Variants in SCAPER observed in about 807,000 individuals in gnomAD.
The protein encoded by SCAPER is S phase cyclin A-associated protein in the endoplasmic reticulum.
A neutral mutation model predicts 182.2 loss-of-function variants in SCAPER; 98 were observed. The observed-to-expected ratio is 0.54, with a 90% CI of 0.46 to 0.64. The LOEUF (loss-of-function observed/expected upper bound fraction) is 0.64. Ranked by LOEUF, SCAPER falls within the 30% of genes least tolerant of loss-of-function variation. SCAPER has a pLI of 0.00. For synonymous variants in SCAPER, 605 were observed against 564.6 expected (o/e 1.07, Z -1.01); for missense variants, 1,432 against 1,690.0 (o/e 0.85, Z 2.68).
chr15:76,706,104 ATTC>A, intron 17 of SCAPER, 120 bp from the exon 18 acceptor site: 1 of 616,678 alleles, frequency 1.6e-6, no homozygotes, highest in Non-Finnish European at 2.5e-6. Flanking sequence ...TTTTTAAAAT[ATTC>A]TTCTTAAAGT....
intron 1 of SCAPER, among the ~76,000 whole-genome samples, chr15:76,900,383 C>T (rs564687924): frequency 1.4e-5 from 2 of 144,096 alleles, no homozygotes; most frequent in Admixed American, 1.4e-4. Flanking sequence ...TAAATACATA[C>T]ATACATACAA....
chr15:76,626,329 T>C (rs987761038), intron 21 of SCAPER, among the ~76,000 whole-genome samples: 1 of 152,106 alleles, frequency 6.6e-6, no homozygotes, highest in South Asian at 2.1e-4. Context: ...TAAACTATAG[T>C]ATGGGAGGGG....
At chr15:76,528,411 C>T (rs192931660) in intron 23 of SCAPER, among the ~76,000 whole-genome samples, 1 of 152,238 alleles carries the variant, frequency 6.6e-6, no homozygotes, top group Admixed American at 6.5e-5. Flanking sequence ...GGTATCTTAC[C>T]ACCATTTGGA....
chr15:76,606,694 G>A (rs2050439012), intron 22 of SCAPER, among the ~76,000 whole-genome samples: 1 of 151,448 alleles, frequency 6.6e-6, no homozygotes, highest in South Asian at 2.1e-4. Context: ...ATGAATCTGG[G>A]TGCTCCTGTA....
intron 2 of SCAPER, among the ~76,000 whole-genome samples, chr15:76,874,880 TGGAGCCCAGGA>T (rs1239671461): frequency 1.3e-5 from 2 of 152,190 alleles, no homozygotes; most frequent in Non-Finnish European, 2.9e-5. Context: ...GGAGGATCAC[TGGAGCCCAGGA>T]GTTCAAGGTT....
chr15:76,466,019 T>C (rs1178870782), intron 25 of SCAPER, among the ~76,000 whole-genome samples: 2 of 152,170 alleles, frequency 1.3e-5, no homozygotes, highest in South Asian at 2.1e-4. Flanking sequence ...CTTTGAGAGT[T>C]TGACAATTTT....
At position 76,355,091 on chromosome 15, in the gene SCAPER, A is replaced by G. The variant is rs537181223; in HGVS notation, c.3856-951T>C. On this transcript the variant is annotated intron_variant, in intron 29 of 31. Coordinates refer to ENST00000563290, the MANE Select transcript of SCAPER (RefSeq NM_020843.4). ...ACACACCCAGACAGGACTACATTCA[A>G]ATTAAAACCAGAAGGAAAGAATGAA... Among the ~76,000 whole-genome samples the G allele has an allele frequency of 2.0e-5, 3 of 152,364 alleles. No individual in the cohort carries two copies. In the South Asian group the frequency reaches 6.2e-4, roughly 32 times the overall value.
chr15:76,861,279 G>A (rs1366343347), intron 3 of SCAPER, among the ~76,000 whole-genome samples: 1 of 152,104 alleles, frequency 6.6e-6, no homozygotes, highest in African/African-American at 2.4e-5. Context: ...TAGTTACATA[G>A]GAAAAAATTA....
chr15:76,884,641 T>C (rs1378443184), intron 1 of SCAPER, among the ~76,000 whole-genome samples: 1 of 152,216 alleles, frequency 6.6e-6, no homozygotes, highest in African/African-American at 2.4e-5. Context: ...TCATTTATCC[T>C]TTGTCAATAA....
intron 5 of SCAPER, among the ~76,000 whole-genome samples, chr15:76,809,117 T>C (rs1457253470): frequency 6.6e-6 from 1 of 152,118 alleles, no homozygotes; most frequent in Non-Finnish European, 1.5e-5. Flanking sequence ...CTAGAATAAC[T>C]AGCTGAGCTG....
chr15:76,882,240 A>C (rs112859821), intron 2 of SCAPER, among the ~76,000 whole-genome samples: 25 of 152,194 alleles, frequency 1.6e-4, no homozygotes, highest in African/African-American at 6.0e-4. Context: ...CTACAAAAAA[A>C]TTAAAAATAA....
intron 2 of SCAPER, among the ~76,000 whole-genome samples, chr15:76,874,028 G>C (rs144223121): frequency 4.7e-4 from 72 of 152,158 alleles, no homozygotes; most frequent in African/African-American, 1.6e-3. Flanking sequence ...AAGTAGCTGG[G>C]ATTACAGGCG....
intron 29 of SCAPER, among the ~76,000 whole-genome samples, chr15:76,366,087 AC>A (rs2041797042): frequency 5.1e-4 from 1 of 1,962 alleles, no homozygotes; most frequent in Non-Finnish European, 2.6e-3. Flanking sequence ...TTACACACTT[AC>A]ACACACACAC....
rs114989751 is a variant in SCAPER, at chr15:76,741,525, T to C, written c.1867-8141A>G. On this transcript the variant is annotated intron_variant, in intron 15 of 31. Transcript: ENST00000563290. ...GAACAAAAGGGAAGAATATCAACTG[T>C]AAATATTTAGGAGGGAGATAAAAAT... 8.1e-3 allele frequency among the ~76,000 whole-genome samples: 1,238 copies of C among 152,138 alleles called. 13 individuals carry two copies. The highest frequency in any genetic ancestry group is 0.028 in the African/African-American group (1,175 of 41,524).
At chr15:76,897,086 A>G (rs2074479351) in intron 1 of SCAPER, among the ~76,000 whole-genome samples, 1 of 152,262 alleles carries the variant, frequency 6.6e-6, no homozygotes, top group African/African-American at 2.4e-5. Context: ...ACACAGCTAT[A>G]AAACAAGAGT....
chr15:76,364,152 A>G (rs1204150561), intron 29 of SCAPER, among the ~76,000 whole-genome samples: 1 of 152,240 alleles, frequency 6.6e-6, no homozygotes, highest in Non-Finnish European at 1.5e-5. Context: ...AGAGAAACAC[A>G]AAGAGTCCTT....
chr15:76,758,517 G>A (rs971561446), intron 14 of SCAPER, among the ~76,000 whole-genome samples: 2 of 152,156 alleles, frequency 1.3e-5, no homozygotes, highest in African/African-American at 4.8e-5. Context: ...GTTAGAAAGT[G>A]TTATGACTAT....
chr15:76,361,043 G>T (rs2041377430), intron 29 of SCAPER, among the ~76,000 whole-genome samples: 1 of 150,500 alleles, frequency 6.6e-6, no homozygotes, highest in South Asian at 2.1e-4. Context: ...AAAAAGGAAA[G>T]TGGAGGTGGG....
chr15:76,557,429 C>A (rs1416160755), intron 23 of SCAPER, among the ~76,000 whole-genome samples: 1 of 152,096 alleles, frequency 6.6e-6, no homozygotes, highest in Non-Finnish European at 1.5e-5. Context: ...GAATTGTAAT[C>A]CCCAGTGCTG....
Sources: gnomAD v4.1 joint callset for allele counts (sites outside exome capture counted in the v4.1 genomes callset) on GRCh38, gnomAD v4.1.1 for gene constraint, MANE v1.5 for transcripts, NCBI Gene and HGNC (gene_info 2026-07-23, HGNC 2026-07-21) for gene names.